Variants in ATP10B observed in about 807,000 individuals in gnomAD.
ATP10B encodes the protein phospholipid-transporting ATPase VB.
A neutral mutation model predicts 141.2 loss-of-function variants in ATP10B; 122 were observed. The ratio of observed to expected loss-of-function variants is 0.86; its 90% CI spans 0.75 to 1.00. The LOEUF (loss-of-function observed/expected upper bound fraction) is 1.00. ATP10B is among the 50% of genes least tolerant of loss of function. ATP10B has a pLI of 0.00. For synonymous variants in ATP10B, 685 were observed against 692.0 expected (o/e 0.99, Z 0.16); for missense variants, 1,876 against 1,825.3 (o/e 1.03, Z -0.51).
chr5:160,732,282 A>C (rs1257606034), intron 2 of ATP10B, among the ~76,000 whole-genome samples: 1 of 152,236 alleles, frequency 6.6e-6, no homozygotes, highest in Non-Finnish European at 1.5e-5. Context: ...GACAGAGGAA[A>C]GAGTTAGTAA....
chr5:160,749,553 C>T (rs1388044163), intron 2 of ATP10B, among the ~76,000 whole-genome samples: 1 of 152,106 alleles, frequency 6.6e-6, no homozygotes, highest in African/African-American at 2.4e-5. Flanking sequence ...CTGTCACTAT[C>T]ATCCCTCCAA....
intron 6 of ATP10B, among the ~76,000 whole-genome samples, chr5:160,676,758 T>C (rs139413863): frequency 6.8e-4 from 103 of 152,340 alleles, no homozygotes; most frequent in Non-Finnish European, 1.2e-3. Context: ...ATTATTAGCT[T>C]ACATGTATTG....
the ATP10B span, among the ~76,000 whole-genome samples, chr5:160,874,635 A>G: frequency 6.6e-6 from 1 of 152,158 alleles, no homozygotes; most frequent in Non-Finnish European, 1.5e-5. Flanking sequence ...GAAAACTTTG[A>G]AAAAAATGTA....
rs200832370 is a variant in ATP10B, at chr5:160,569,591, G to T, written c.3843C>A (p.Ser1281Arg). The T allele has an allele frequency of 7.0e-5, 113 of 1,613,838 alleles. No homozygotes were observed. The African/African-American group carries it at 1.2e-3, about 17-fold the overall frequency. ...CCATCACCCAATAGGGATTGGTGGG[G>T]CTGTTGCAGATGACGCAGGTGGCAT... is the stretch of plus-strand genomic sequence containing the variant. ...LYNATCVICN[S>R]PTNPYWVMEG... The change falls in exon 25 of 26, where the codon AGC becomes AGA. Residue 1281 changes from serine to arginine, a missense_variant. Physicochemically the swap from Ser to Arg is moderately radical, Grantham distance 110. Transcript: ENST00000327245.
chr5:160,747,991 G>C (rs1342601360), intron 2 of ATP10B, among the ~76,000 whole-genome samples: 2 of 84,120 alleles, frequency 2.4e-5, no homozygotes, highest in Admixed American at 2.8e-4. Flanking sequence ...TGAGCATTGA[G>C]AGAGAAAAAA....
chr5:160,785,460 C>A, intron 2 of ATP10B, 99 bp downstream of exon 2: 1 of 325,640 alleles, frequency 3.1e-6, no homozygotes, highest in Non-Finnish European at 6.0e-6. Flanking sequence ...TTAATTTAGA[C>A]TCAGAGGGTA....
chr5:160,761,315 AC>A (rs1258256293), intron 2 of ATP10B, among the ~76,000 whole-genome samples: 1 of 152,132 alleles, frequency 6.6e-6, no homozygotes, highest in African/African-American at 2.4e-5. Flanking sequence ...TGCCAACTCC[AC>A]TAGAGCAGGT....
chr5:160,918,249 T>A, the ATP10B span, among the ~76,000 whole-genome samples: 1 of 152,074 alleles, frequency 6.6e-6, no homozygotes, highest in Non-Finnish European at 1.5e-5. Flanking sequence ...TTAGACCAAA[T>A]GAGTATACTG....
chr5:160,856,591 G>A (rs1190844584), upstream of ATP10B, among the ~76,000 whole-genome samples: 1 of 150,922 alleles, frequency 6.6e-6, no homozygotes, highest in East Asian at 1.9e-4. Flanking sequence ...TCAGTCTCAG[G>A]GGGAAAATAT....
rs943345809 is a variant in ATP10B, at chr5:160,670,371, C to T, written c.675+92G>A. 4 of 1,289,908 alleles carry T rather than the reference C, an allele frequency of 3.1e-6. No homozygotes were observed. The East Asian group carries it at 9.2e-5, about 30-fold the overall frequency. The allele number at this position is 1,289,908 out of a possible 1,614,324, so 79.9% of individuals were successfully genotyped here. ...AAAAGGAGGCATCTACTACTTTCCC[C>T]TCTACCCAGTAGGTTTAGTTCAATT... is the stretch of plus-strand genomic sequence containing the variant. On this transcript the variant is annotated intron_variant, in intron 7 of 25. Coordinates refer to ENST00000327245, the MANE Select transcript of ATP10B (RefSeq NM_025153.3).
At chr5:160,856,110 A>G (rs1037325483), upstream of ATP10B, among the ~76,000 whole-genome samples, 11 of 151,808 alleles carry the variant, frequency 7.2e-5, no homozygotes, top group African/African-American at 2.7e-4. Context: ...TACCTAGAAA[A>G]AACTTTTTGG....
At chr5:160,911,333 T>C in the ATP10B span, among the ~76,000 whole-genome samples, 82,433 of 152,046 alleles carry the variant, frequency 0.54, 22,816 homozygotes, top group African/African-American at 0.63. Context: ...ACCCTAGGTT[T>C]TAAAACAATG....
At chr5:160,640,350 G>A in intron 10 of ATP10B, 111 bp downstream of exon 10, 2 of 1,230,698 alleles carry the variant, frequency 1.6e-6, no homozygotes, top group Non-Finnish European at 2.2e-6. Flanking sequence ...GTTAAAGTGG[G>A]CAGGGTAGGC....
At chr5:160,869,019 C>T in the ATP10B span, among the ~76,000 whole-genome samples, 5 of 152,126 alleles carry the variant, frequency 3.3e-5, no homozygotes, top group African/African-American at 4.8e-5. Flanking sequence ...TTGCTTCTGC[C>T]ATCTTGGCTA....
the ATP10B span, among the ~76,000 whole-genome samples, chr5:160,919,223 C>CAA: frequency 0.055 from 1,478 of 26,818 alleles, 144 homozygotes; most frequent in Non-Finnish European, 0.07. Context: ...AACTCCGTCT[C>CAA]AAAAAAAAAA....
At chr5:160,863,921 C>A in the ATP10B span, among the ~76,000 whole-genome samples, 2 of 151,992 alleles carry the variant, frequency 1.3e-5, no homozygotes, top group South Asian at 2.1e-4. Context: ...CTGAATGGAC[C>A]AATAACAAGC....
chr5:160,685,527 T>G, intron 6 of ATP10B: 1 of 253,730 alleles, frequency 3.9e-6, no homozygotes. Flanking sequence ...AAAACCTACC[T>G]GGTTCTAAAA....
At chr5:160,640,330 T>G (rs937884066) in intron 10 of ATP10B, 131 bp downstream of exon 10, 5 of 963,906 alleles carry the variant, frequency 5.2e-6, no homozygotes, top group Non-Finnish European at 7.6e-6. Flanking sequence ...TTTCATTTCA[T>G]TGGCATCCCG....
intron 22 of ATP10B, among the ~76,000 whole-genome samples, chr5:160,597,614 C>T (rs1030283397): frequency 4.6e-5 from 7 of 151,832 alleles, no homozygotes; most frequent in Non-Finnish European, 1.0e-4. Flanking sequence ...AGGCAACCTA[C>T]AAAATGGGAG....
Sources: allele counts gnomAD v4.1 joint callset (sites outside exome capture counted in the v4.1 genomes callset), GRCh38; gene constraint gnomAD v4.1.1; transcripts MANE v1.5; gene names NCBI Gene and HGNC (gene_info 2026-07-23, HGNC 2026-07-21).